Variants in GRIN3A observed in about 807,000 individuals in gnomAD.
The protein encoded by GRIN3A is glutamate ionotropic receptor NMDA type subunit 3A.
In GRIN3A, 47 loss-of-function variants were observed where a neutral mutation model predicts 92.4. That is an observed-to-expected ratio of 0.51 (90% CI 0.40 to 0.65). GRIN3A has a LOEUF of 0.65. Among genes scored for constraint, GRIN3A ranks in the 30% least tolerant of loss-of-function variants. The pLI is 0.00. For missense variants in GRIN3A, 1,324 were observed against 1,393.1 expected (o/e 0.95, Z 0.79); for synonymous variants, 527 against 540.6 (o/e 0.97, Z 0.35).
In GRIN3A at chr9:101,738,234, G is replaced by T; in HGVS notation, c.-255C>A. 2 of 530,160 alleles carry T rather than the reference G, an allele frequency of 3.8e-6. No individual in the cohort carries two copies. Among genetic ancestry groups the T allele is most frequent in the South Asian group, 4.3e-5 (2 of 46,576 alleles). The allele number at this position is 530,160 out of a possible 1,614,324, so 32.8% of individuals were successfully genotyped here. A position where few individuals can be genotyped will look rare whatever the true frequency, so the allele number is the denominator to read the frequency against. On this transcript the variant is annotated 5_prime_UTR_variant, in exon 1 of 9. Coordinates refer to ENST00000361820, the MANE Select transcript of GRIN3A (RefSeq NM_133445.3). Reference sequence around the variant, plus strand: ...CGGTCACTGCGCTGAGCAGGCAGGCGGGCGGGCCGGCGCCTGTCACCCGCA... The same window carrying T: ...CGGTCACTGCGCTGAGCAGGCAGGCTGGCGGGCCGGCGCCTGTCACCCGCA...
At chr9:101,706,271 C>T (rs1157245569) in intron 1 of GRIN3A, among the ~76,000 whole-genome samples, 4 of 152,140 alleles carry the variant, frequency 2.6e-5, no homozygotes, top group African/African-American at 9.7e-5. Flanking sequence ...TTGTTATGAC[C>T]TTTCCACTTC....
chr9:101,583,889 C>T (rs751296438), intron 6 of GRIN3A, among the ~76,000 whole-genome samples: 5 of 152,164 alleles, frequency 3.3e-5, no homozygotes, highest in Non-Finnish European at 4.4e-5. Flanking sequence ...CAGAGTCTCA[C>T]TCTGAGGCTC....
chr9:101,609,332 G>T (rs765116039), intron 6 of GRIN3A, among the ~76,000 whole-genome samples: 56 of 152,186 alleles, frequency 3.7e-4, no homozygotes, highest in Non-Finnish European at 6.9e-4. Flanking sequence ...GGCAGAGGAA[G>T]AATTAGTACT....
At chr9:101,618,993 G>T (rs1383762315) in intron 5 of GRIN3A, among the ~76,000 whole-genome samples, 1 of 152,136 alleles carries the variant, frequency 6.6e-6, no homozygotes, top group East Asian at 1.9e-4. Context: ...CCTGGAAATT[G>T]GATACAGCTT....
chr9:101,616,423 T>C (rs1436197609), intron 5 of GRIN3A, among the ~76,000 whole-genome samples: 1 of 152,168 alleles, frequency 6.6e-6, no homozygotes, highest in African/African-American at 2.4e-5. Context: ...CCAAAACTTC[T>C]AGGCATAAAA....
chr9:101,668,992 AG>A (rs1219526332), intron 3 of GRIN3A, among the ~76,000 whole-genome samples: 1 of 152,176 alleles, frequency 6.6e-6, no homozygotes, highest in Non-Finnish European at 1.5e-5. Context: ...CATTTGGAAA[AG>A]CCTGTGAATG....
chr9:101,666,854 A>C (rs778758472), intron 3 of GRIN3A, among the ~76,000 whole-genome samples: 47 of 152,032 alleles, frequency 3.1e-4, no homozygotes, highest in Non-Finnish European at 5.1e-4. Context: ...TCCTTTCTTC[A>C]GTGACCAAAT....
intron 6 of GRIN3A, among the ~76,000 whole-genome samples, chr9:101,610,394 C>G (rs563086595): frequency 5.3e-5 from 8 of 152,320 alleles, no homozygotes; most frequent in African/African-American, 1.2e-4. Flanking sequence ...ACATTGCTAA[C>G]TCTCTTACTC....
intron 1 of GRIN3A, among the ~76,000 whole-genome samples, chr9:101,719,034 A>G (rs1024247067): frequency 6.6e-6 from 1 of 152,218 alleles, no homozygotes; most frequent in Non-Finnish European, 1.5e-5. Context: ...CAGTAACTGA[A>G]TGCCTGAAGT....
intron 1 of GRIN3A, among the ~76,000 whole-genome samples, chr9:101,737,000 C>A (rs1029914146): frequency 6.6e-6 from 1 of 152,106 alleles, no homozygotes; most frequent in Non-Finnish European, 1.5e-5. Context: ...TTCTCCCAGC[C>A]GGTCAAAATA....
chr9:101,577,765 T>C lies in GRIN3A; in HGVS notation c.3008+3A>G. 6.2e-7 allele frequency: 1 copy of C among 1,607,348 alleles called. No individual in the cohort carries two copies. The highest frequency in any genetic ancestry group is 8.5e-7 in the Non-Finnish European group (1 of 1,174,320). ...AAGACAGTTGCCATTGGCCCCTTCT[T>C]ACCTCTTTTCCACACGTTTGGTCTT... On this transcript the variant is annotated splice_donor_region_variant and intron_variant, in intron 8 of 8. Coordinates refer to ENST00000361820, the MANE Select transcript of GRIN3A (RefSeq NM_133445.3).
chr9:101,737,974 C>G lies in GRIN3A; in HGVS notation c.6G>C (p.Arg2Ser). 1 of 1,535,136 alleles carries G rather than the reference C, an allele frequency of 6.5e-7. No individual in the cohort carries two copies. Among genetic ancestry groups the G allele is most frequent in the Non-Finnish European group, 8.7e-7 (1 of 1,147,086 alleles). M[R>S]RLSLWWLLSR... ...TCAGCAGCCACCACAAACTCAGTCT[C>G]CTCATTACTGAGACCCGCAGGGAGA... is the stretch of plus-strand genomic sequence containing the variant. The change falls in exon 1 of 9, where the codon AGG (arginine) becomes AGC (serine). Residue 2 changes from arginine (R) to serine (S), a missense_variant. Transcript: ENST00000361820.
intron 6 of GRIN3A, among the ~76,000 whole-genome samples, chr9:101,596,727 A>G (rs1052729981): frequency 2.6e-4 from 39 of 152,194 alleles, no homozygotes; most frequent in African/African-American, 8.7e-4. Context: ...TCTTGGCTGC[A>G]AGTAAAAGAA....
rs368519614 is a variant in GRIN3A, at chr9:101,686,583, C to T, written c.1304+13G>A. ...CCTATGAATGGGGATATAACCGAGA[C>T]CTTGCATCCTACCTTGATAAATATT... On this transcript the variant is annotated intron_variant, in intron 2 of 8. Transcript: ENST00000361820. 5.3e-5 allele frequency: 85 copies of T among 1,614,026 alleles called. No homozygotes were observed. In the African/African-American group the frequency reaches 1.1e-3, roughly 21 times the overall value.
intron 1 of GRIN3A, among the ~76,000 whole-genome samples, chr9:101,697,490 G>T (rs957226668): frequency 3.3e-5 from 5 of 152,188 alleles, no homozygotes; most frequent in Non-Finnish European, 7.3e-5. Context: ...TTTCAGGAAG[G>T]TCTACGTGAG....
At chr9:101,614,608 A>ATTT (rs1564126676) in intron 5 of GRIN3A, among the ~76,000 whole-genome samples, 187 of 128,396 alleles carry the variant, frequency 1.5e-3, no homozygotes, top group African/African-American at 4.8e-3. Context: ...TATATGTGAT[A>ATTT]CTTTTTTTTT....
At chr9:101,678,637 G>A (rs1829429097) in intron 2 of GRIN3A, among the ~76,000 whole-genome samples, 1 of 152,082 alleles carries the variant, frequency 6.6e-6, no homozygotes, top group African/African-American at 2.4e-5. Context: ...ACTGTAGGGT[G>A]GAAGGAGAGC....
chr9:101,688,531 G>T (rs1398264722), intron 1 of GRIN3A, among the ~76,000 whole-genome samples: 3 of 152,140 alleles, frequency 2.0e-5, no homozygotes, highest in African/African-American at 7.2e-5. Context: ...ATTCAACAGG[G>T]ATGGGGAATT....
At chr9:101,639,407 A>G (rs1028455672) in intron 3 of GRIN3A, among the ~76,000 whole-genome samples, 2 of 152,088 alleles carry the variant, frequency 1.3e-5, no homozygotes, top group Non-Finnish European at 2.9e-5. Context: ...TTTTGTTTAT[A>G]TAATTGACTT....
Sources: gnomAD v4.1 joint callset for allele counts (sites outside exome capture counted in the v4.1 genomes callset) on GRCh38, gnomAD v4.1.1 for gene constraint, MANE v1.5 for transcripts, NCBI Gene and HGNC (gene_info 2026-07-23, HGNC 2026-07-21) for gene names.